The following GABRG3 variants were observed in gnomAD, a reference collection of about 807,000 sequenced individuals.
GABRG3 encodes gamma-aminobutyric acid type A receptor subunit gamma3.
Under a neutral mutation model 48.8 loss-of-function variants are expected in GABRG3, and 25 were observed. That is an observed-to-expected ratio of 0.51 (90% confidence interval 0.37 to 0.72). The LOEUF is 0.72. Among genes scored for constraint, GABRG3 ranks in the 30% least tolerant of loss-of-function variants. The probability of loss-of-function intolerance (pLI) is 0.00; values close to 1 mark genes in which losing one functional copy is unlikely to be tolerated. For synonymous variants in GABRG3, 227 were observed against 217.6 expected (o/e 1.04, Z -0.38); for missense variants, 394 against 577.9 (o/e 0.68, Z 3.26).
chr15:27,315,513 T>C (rs1049705744), intron 3 of GABRG3, among the ~76,000 whole-genome samples: 2 of 152,224 alleles, frequency 1.3e-5, no homozygotes, highest in Non-Finnish European at 2.9e-5. Context: ...GGAGATACTT[T>C]AGGAAAACGT....
intron 2 of GABRG3, among the ~76,000 whole-genome samples, chr15:27,020,563 C>T (rs552535243): frequency 4.8e-5 from 7 of 146,664 alleles, no homozygotes; most frequent in South Asian, 4.4e-4. Context: ...AGGCGCCCGC[C>T]ACCACGCCCG....
chr15:27,256,242 A>AC (rs1273260921), intron 3 of GABRG3, among the ~76,000 whole-genome samples: 29 of 152,032 alleles, frequency 1.9e-4, no homozygotes, highest in Middle Eastern at 6.8e-3. Flanking sequence ...GGAGATCAAG[A>AC]CCATCCTGGC....
intron 5 of GABRG3, among the ~76,000 whole-genome samples, chr15:27,398,461 GT>G (rs1174894099): frequency 6.6e-6 from 1 of 152,118 alleles, no homozygotes; most frequent in African/African-American, 2.4e-5. Context: ...GTGTTTTTGT[GT>G]GTGCATGTGT....
chr15:27,509,462 TC>T (rs1449405936), intron 6 of GABRG3, among the ~76,000 whole-genome samples: 2 of 152,220 alleles, frequency 1.3e-5, no homozygotes, highest in African/African-American at 4.8e-5. Context: ...CTTTTGGAAT[TC>T]AAATAATATG....
chr15:27,321,666 T>G (rs2140514999), intron 3 of GABRG3, among the ~76,000 whole-genome samples: 1 of 152,350 alleles, frequency 6.6e-6, no homozygotes, highest in East Asian at 1.9e-4. Flanking sequence ...GCTAACGAGC[T>G]GAGGCCCAAT....
chr15:27,308,352 C>T (rs1269454413), intron 3 of GABRG3, among the ~76,000 whole-genome samples: 11 of 101,686 alleles, frequency 1.1e-4, no homozygotes, highest in East Asian at 6.6e-4. Context: ...TATAAACATA[C>T]GTTTATATAT....
At chr15:27,443,864 A>G (rs1888863254) in intron 5 of GABRG3, among the ~76,000 whole-genome samples, 1 of 152,312 alleles carries the variant, frequency 6.6e-6, no homozygotes, top group Admixed American at 6.5e-5. Context: ...ACCGGTGTCA[A>G]ATTTTGGGAA....
chr15:27,301,770 A>G (rs993161590), intron 3 of GABRG3, among the ~76,000 whole-genome samples: 1 of 152,148 alleles, frequency 6.6e-6, no homozygotes, highest in African/African-American at 2.4e-5. Context: ...GCAAACCTCA[A>G]TAGGGTGATT....
At chr15:27,103,129 T>G (rs1377806701) in intron 3 of GABRG3, among the ~76,000 whole-genome samples, 1 of 152,182 alleles carries the variant, frequency 6.6e-6, no homozygotes, top group Non-Finnish European at 1.5e-5. Flanking sequence ...GTGATCTGTA[T>G]GAAATTGATG....
chr15:27,373,679 C>T (rs1895488381), intron 5 of GABRG3, among the ~76,000 whole-genome samples: 2 of 152,132 alleles, frequency 1.3e-5, no homozygotes, highest in African/African-American at 4.8e-5. Context: ...GAAAATCTGA[C>T]CTTTAGCAAC....
chr15:27,321,388 G>A (rs1236547159), intron 3 of GABRG3, among the ~76,000 whole-genome samples: 8 of 152,198 alleles, frequency 5.3e-5, no homozygotes, highest in African/African-American at 1.7e-4. Flanking sequence ...AGGGACAGGC[G>A]CCCAGGGAGA....
chr15:27,001,197 A>G (rs1895440595), intron 2 of GABRG3, among the ~76,000 whole-genome samples: 1 of 152,212 alleles, frequency 6.6e-6, no homozygotes, highest in Non-Finnish European at 1.5e-5. Context: ...ACATTGTTTC[A>G]TATAGTTTGT....
chr15:27,021,446 A>G (rs1160421200), intron 2 of GABRG3, among the ~76,000 whole-genome samples: 2 of 152,142 alleles, frequency 1.3e-5, no homozygotes, highest in Non-Finnish European at 2.9e-5. Context: ...GTAGGAAGTA[A>G]TCATACAAGG....
intron 3 of GABRG3, among the ~76,000 whole-genome samples, chr15:27,185,459 T>C (rs1347019347): frequency 6.6e-6 from 1 of 152,194 alleles, no homozygotes; most frequent in African/African-American, 2.4e-5. Context: ...TTGCAGGATA[T>C]GGTATATCTT....
At chr15:27,263,827 G>A (rs904009288) in intron 3 of GABRG3, among the ~76,000 whole-genome samples, 1 of 151,982 alleles carries the variant, frequency 6.6e-6, no homozygotes, top group Non-Finnish European at 1.5e-5. Context: ...TCCGGAGGCT[G>A]AGGCAGGAGA....
At chr15:27,021,632 G>GA (rs1895896700) in intron 2 of GABRG3, among the ~76,000 whole-genome samples, 1 of 152,138 alleles carries the variant, frequency 6.6e-6, no homozygotes, top group Non-Finnish European at 1.5e-5. Context: ...TTTGAATCTG[G>GA]AAGTTCAAGA....
chr15:27,042,019 G>A lies in GABRG3; in HGVS notation c.270+15198G>A, dbSNP rs1792568634. Among the ~76,000 whole-genome samples the A allele has an allele frequency of 2.0e-5, 3 of 152,284 alleles. No homozygotes were observed. The South Asian group carries it at 6.2e-4, about 32-fold the overall frequency. On this transcript the variant is annotated intron_variant, in intron 3 of 9. Transcript: ENST00000615808. Reference sequence around the variant, plus strand: ...ATGCAGGTCTCCTCTTTTAGGCCTTGTTTTGTGTGATTTGATTTCTTCAGT... The same window carrying A: ...ATGCAGGTCTCCTCTTTTAGGCCTTATTTTGTGTGATTTGATTTCTTCAGT...
chr15:27,082,232 G>A (rs1414777589), intron 3 of GABRG3, among the ~76,000 whole-genome samples: 1 of 152,144 alleles, frequency 6.6e-6, no homozygotes, highest in African/African-American at 2.4e-5. Flanking sequence ...CAAAAACACT[G>A]TGGAAAAATA....
intron 5 of GABRG3, among the ~76,000 whole-genome samples, chr15:27,355,851 G>A (rs1337346482): frequency 6.6e-6 from 1 of 152,086 alleles, no homozygotes; most frequent in Admixed American, 6.5e-5. Context: ...CATGCAAAGT[G>A]AAAAAACCAG....
Sources: gnomAD v4.1 joint callset for allele counts (sites outside exome capture counted in the v4.1 genomes callset) on GRCh38, gnomAD v4.1.1 for gene constraint, MANE v1.5 for transcripts, NCBI Gene and HGNC (gene_info 2026-07-23, HGNC 2026-07-21) for gene names.